Variants in IRF2 observed in about 807,000 individuals in gnomAD.
The protein encoded by IRF2 is interferon regulatory factor 2.
In IRF2, 15 loss-of-function variants were observed where a neutral mutation model predicts 40.6. The observed-to-expected ratio is 0.37, with a 90% CI of 0.25 to 0.57. IRF2 has a LOEUF of 0.57. Among genes scored for constraint, IRF2 ranks in the 20% least tolerant of loss-of-function variants. The probability of loss-of-function intolerance (pLI) is 0.77; values close to 1 mark genes in which losing one functional copy is unlikely to be tolerated. For missense variants in IRF2, 317 were observed against 455.7 expected (o/e 0.70, Z 2.77); for synonymous variants, 151 against 165.5 (o/e 0.91, Z 0.67).
intron 2 of IRF2, among the ~76,000 whole-genome samples, chr4:184,425,983 TTTGTTTGTTTG>T (rs1737657435): frequency 1.3e-4 from 11 of 82,608 alleles, no homozygotes; most frequent in South Asian, 3.6e-4. Flanking sequence ...CCGGTTTTTG[TTTGTTTGTTTG>T]TTTGTTTGTT....
chr4:184,457,552 A>C (rs1738988870), intron 1 of IRF2, among the ~76,000 whole-genome samples: 1 of 152,178 alleles, frequency 6.6e-6, no homozygotes, highest in South Asian at 2.1e-4. Flanking sequence ...TACTATAATC[A>C]CTCTCTTTAC....
intron 6 of IRF2, among the ~76,000 whole-genome samples, chr4:184,407,942 C>T (rs531068533): frequency 1.3e-5 from 2 of 151,690 alleles, no homozygotes; most frequent in African/African-American, 4.9e-5. Context: ...TCACCCCAGC[C>T]TTCTTCCACG....
At chr4:184,406,395 A>T (rs1275542817) in intron 6 of IRF2, among the ~76,000 whole-genome samples, 1 of 151,862 alleles carries the variant, frequency 6.6e-6, no homozygotes, top group Non-Finnish European at 1.5e-5. Flanking sequence ...ACGCCCAGCT[A>T]ATTTTTGTAT....
At chr4:184,414,801 T>G (rs983351800) in intron 5 of IRF2, among the ~76,000 whole-genome samples, 3 of 152,216 alleles carry the variant, frequency 2.0e-5, no homozygotes, top group African/African-American at 4.8e-5. Flanking sequence ...AAACTTCAAC[T>G]TGAAGATTGG....
intron 1 of IRF2, among the ~76,000 whole-genome samples, chr4:184,471,582 C>T (rs2149921683): frequency 6.6e-6 from 1 of 152,290 alleles, no homozygotes; most frequent in East Asian, 1.9e-4. Flanking sequence ...CTAAAAACAA[C>T]AGTTTTGTAC....
chr4:184,417,744 T>C (rs1024039138), intron 5 of IRF2, among the ~76,000 whole-genome samples: 20 of 152,232 alleles, frequency 1.3e-4, no homozygotes, highest in African/African-American at 4.8e-4. Context: ...TGACGGAATG[T>C]CTGTAACATA....
intron 1 of IRF2, among the ~76,000 whole-genome samples, chr4:184,446,951 G>A (rs1293742217): frequency 2.6e-5 from 4 of 151,832 alleles, no homozygotes; most frequent in Non-Finnish European, 5.9e-5. Context: ...GCAAGACTCC[G>A]TCTCAAAAAA....
intron 1 of IRF2, among the ~76,000 whole-genome samples, chr4:184,446,448 G>A (rs1227233561): frequency 6.6e-6 from 1 of 152,232 alleles, no homozygotes; most frequent in Admixed American, 6.5e-5. Flanking sequence ...AGCCAGAACA[G>A]GGAGGTGAGG....
rs142409473 is a variant in IRF2, at chr4:184,428,999, C to T, written c.66G>A (p.Pro22=). 89 of 1,613,982 alleles carry T rather than the reference C, an allele frequency of 5.5e-5. No individual in the cohort carries two copies. Among genetic ancestry groups the T allele is most frequent in the Admixed American group, 1.3e-4 (8 of 60,004 alleles). Residue 22 remains proline (P), a synonymous_variant, in exon 2 of 9, where the codon CCG becomes CCA. Coordinates refer to ENST00000393593, the MANE Select transcript of IRF2 (RefSeq NM_002199.4). ...TCACCTTGTTAAGCCACTTGAGCCC[C>T]GGGATCGTGTTGGAGTTTATCTGCT... The part of the protein sequence containing the change: ...LEEQINSNTI[P]GLKWLNKEKK...
intron 5 of IRF2, among the ~76,000 whole-genome samples, chr4:184,416,332 A>AC (rs200522914): frequency 8.9e-5 from 13 of 146,644 alleles, no homozygotes; most frequent in South Asian, 8.5e-4. Flanking sequence ...AAAAAACAAA[A>AC]AAAAAAAAAA....
chr4:184,461,747 A>G (rs1739156273), intron 1 of IRF2, among the ~76,000 whole-genome samples: 1 of 151,202 alleles, frequency 6.6e-6, no homozygotes. Flanking sequence ...TTCAAGAAAA[A>G]CAAAAATCGC....
chr4:184,462,487 C>G (rs373748447), intron 1 of IRF2, among the ~76,000 whole-genome samples: 17 of 152,246 alleles, frequency 1.1e-4, no homozygotes, highest in African/African-American at 4.1e-4. Flanking sequence ...TACTTGATTT[C>G]AAAAGAATTT....
chr4:184,468,502 A>AG (rs1456274703), intron 1 of IRF2, among the ~76,000 whole-genome samples: 1 of 151,810 alleles, frequency 6.6e-6, no homozygotes, highest in Non-Finnish European at 1.5e-5. Context: ...AAGAAAAAAA[A>AG]AGGAAAATTC....
chr4:184,429,533 C>T (rs190552403), intron 1 of IRF2, among the ~76,000 whole-genome samples: 7 of 152,302 alleles, frequency 4.6e-5, no homozygotes, highest in Middle Eastern at 3.4e-3. Context: ...GTTATACAAA[C>T]GCTTTCAACC....
At chr4:184,428,849 T>G in intron 2 of IRF2, 129 bp downstream of exon 2, 2 of 773,972 alleles carry the variant, frequency 2.6e-6, no homozygotes, top group Non-Finnish European at 4.6e-6. Flanking sequence ...ATGATCATTT[T>G]GGGTTGGCTG....
At chr4:184,447,574 G>T (rs1738558943) in intron 1 of IRF2, among the ~76,000 whole-genome samples, 1 of 152,094 alleles carries the variant, frequency 6.6e-6, no homozygotes, top group South Asian at 2.1e-4. Flanking sequence ...ATGACAAAGG[G>T]AAAAAGACTA....
At chr4:184,434,738 A>G (rs191703848) in intron 1 of IRF2, among the ~76,000 whole-genome samples, 6 of 151,972 alleles carry the variant, frequency 3.9e-5, no homozygotes, top group African/African-American at 1.4e-4. Flanking sequence ...TAAGTCACGA[A>G]TGATCCCCCA....
intron 5 of IRF2, among the ~76,000 whole-genome samples, chr4:184,414,248 T>C (rs1220410502): frequency 6.6e-6 from 1 of 152,266 alleles, no homozygotes; most frequent in Non-Finnish European, 1.5e-5. Context: ...TTCTTGGCCT[T>C]GTCTGAAGTC....
intron 1 of IRF2, among the ~76,000 whole-genome samples, chr4:184,459,416 G>A (rs1739053530): frequency 6.6e-6 from 1 of 152,204 alleles, no homozygotes; most frequent in Non-Finnish European, 1.5e-5. Flanking sequence ...CGTTGCTACA[G>A]AAACTCCCAA....
Sources: gnomAD v4.1 joint callset for allele counts (sites outside exome capture counted in the v4.1 genomes callset) on GRCh38, gnomAD v4.1.1 for gene constraint, MANE v1.5 for transcripts, NCBI Gene and HGNC (gene_info 2026-07-23, HGNC 2026-07-21) for gene names.